Variants in PCAT7 observed in about 807,000 individuals in gnomAD.
PCAT7 encodes the protein prostate cancer associated transcript 7, also known as prostate cancer associated transcript 7 (non-protein coding).
intron 2 of PCAT7, chr9:94,559,160 A>C: frequency 6.3e-7 from 1 of 1,596,946 alleles, no homozygotes; most frequent in Non-Finnish European, 8.6e-7. Context: ...CAGGTGAGTA[A>C]ACTCTGCAAG....
chr9:94,562,999 AG>A (rs1564179558), intron 2 of PCAT7, among the ~76,000 whole-genome samples: 1 of 152,218 alleles, frequency 6.6e-6, no homozygotes, highest in Non-Finnish European at 1.5e-5. Context: ...GGCTCCCTAT[AG>A]GGACCATCAT....
At chr9:94,559,299 GCCAGATGCATCAGATGGC>G in intron 2 of PCAT7, 3 of 625,318 alleles carry the variant, frequency 4.8e-6, no homozygotes, top group Non-Finnish European at 8.2e-6. Flanking sequence ...CCTACAGCAG[GCCAGATGCATCAGATGGC>G]ACTCATCCAG....
intron 2 of PCAT7, among the ~76,000 whole-genome samples, chr9:94,559,463 C>T (rs1827061317): frequency 6.6e-6 from 1 of 152,040 alleles, no homozygotes; most frequent in Non-Finnish European, 1.5e-5. Context: ...CAACAAGAAG[C>T]AAACTGATGC....
intron 1 of PCAT7, chr9:94,558,916 A>G (rs1484117536): frequency 6.2e-7 from 1 of 1,611,584 alleles, no homozygotes. Flanking sequence ...CAAACAGAAG[A>G]GGGCATGTGG....
chr9:94,572,846 A>T (rs924181465), intron 2 of PCAT7: 3 of 152,240 alleles, frequency 2.0e-5, no homozygotes, highest in African/African-American at 7.2e-5. Context: ...CACATATTTT[A>T]AAATGTAATT....
chr9:94,562,284 TG>T (rs1827119895), intron 2 of PCAT7, among the ~76,000 whole-genome samples: 2 of 126,208 alleles, frequency 1.6e-5, no homozygotes, highest in African/African-American at 6.3e-5. Flanking sequence ...CACTCCAGCC[TG>T]GGCGACAGAG....
chr9:94,573,101 G>T lies in PCAT7; in HGVS notation n.512+52G>T, dbSNP rs966177962. Reference sequence around the variant, plus strand: ...TTATTGTGCTGGCTACAACTTTCAGGATTACATATGTTGGGTAACAGTGGC... The same window carrying T: ...TTATTGTGCTGGCTACAACTTTCAGTATTACATATGTTGGGTAACAGTGGC... On this transcript the variant is annotated intron_variant and non_coding_transcript_variant, in intron 3 of 8. Coordinates refer to ENST00000647389, the Ensembl canonical transcript of PCAT7. 3.3e-5 allele frequency: 5 copies of T among 152,136 alleles called. No homozygotes were observed. The South Asian group carries it at 8.3e-4, about 25-fold the overall frequency. The allele number at this position is 152,136 out of a possible 1,614,324, so 9.4% of individuals were successfully genotyped here. A position where few individuals can be genotyped will look rare whatever the true frequency, so the allele number is the denominator to read the frequency against.
exon 2 of PCAT7, chr9:94,558,999 C>G (rs1827051754): frequency 1.9e-6 from 3 of 1,613,912 alleles, no homozygotes; most frequent in Admixed American, 3.3e-5. Context: ...CTCTGGTGAC[C>G]CCAGAATGAG....
At chr9:94,572,097 G>A (rs1021419496) in intron 2 of PCAT7, among the ~76,000 whole-genome samples, 1 of 152,132 alleles carries the variant, frequency 6.6e-6, no homozygotes, top group African/African-American at 2.4e-5. Flanking sequence ...CCAGCAGCAG[G>A]AAGCCCTGAT....
upstream of PCAT7, chr9:94,555,051 T>C (rs1298634130): frequency 6.6e-6 from 1 of 152,246 alleles, no homozygotes; most frequent in East Asian, 1.9e-4. Flanking sequence ...AATCAGAACA[T>C]GCAGTCTAGG....
At chr9:94,558,617 A>G (rs1827044469) in intron 1 of PCAT7, 2 of 334,118 alleles carry the variant, frequency 6.0e-6, no homozygotes, top group Non-Finnish European at 1.1e-5. Flanking sequence ...TAATCTATGT[A>G]CTCTTTGCCC....
At chr9:94,568,218 C>G (rs1282054119) in intron 2 of PCAT7, 3 of 152,040 alleles carry the variant, frequency 2.0e-5, no homozygotes, top group African/African-American at 7.3e-5. Flanking sequence ...CCACTCTTAC[C>G]TGGAGAAAAG....
At chr9:94,570,616 G>T (rs1186422538) in intron 2 of PCAT7, 1 of 152,138 alleles carries the variant, frequency 6.6e-6, no homozygotes, top group African/African-American at 2.4e-5. Context: ...AATTTCTCAG[G>T]GTTTGCCAGC....
chr9:94,556,210 A>G (rs540566162), intron 1 of PCAT7, among the ~76,000 whole-genome samples: 21 of 150,342 alleles, frequency 1.4e-4, no homozygotes, highest in South Asian at 6.4e-4. Context: ...AAGACGGGGG[A>G]AAATGTTTTT....
chr9:94,559,825 G>T (rs781650), intron 2 of PCAT7, among the ~76,000 whole-genome samples: 38,592 of 151,952 alleles, frequency 0.25, 6,253 homozygotes, highest in East Asian at 0.54. Context: ...TGTACTATCT[G>T]TATTCTCAGT....
At chr9:94,569,090 T>C (rs1371932968) in intron 2 of PCAT7, 2 of 152,302 alleles carry the variant, frequency 1.3e-5, no homozygotes, top group Non-Finnish European at 2.9e-5. Flanking sequence ...CCAGCGCTGA[T>C]TTCTACTTCT....
chr9:94,573,168 A>C (rs751856775), intron 3 of PCAT7: 8 of 152,336 alleles, frequency 5.3e-5, no homozygotes, highest in Non-Finnish European at 8.8e-5. Flanking sequence ...TTAGAGTATA[A>C]GCATTCAGTC....
chr9:94,560,712 T>C (rs1209022242), intron 2 of PCAT7, among the ~76,000 whole-genome samples: 2 of 147,000 alleles, frequency 1.4e-5, no homozygotes, highest in Non-Finnish European at 1.5e-5. Context: ...TTATATGTTA[T>C]TATATATTAT....
upstream of PCAT7, among the ~76,000 whole-genome samples, chr9:94,554,703 G>A (rs1263969369): frequency 3.3e-5 from 5 of 152,200 alleles, 2 homozygotes; most frequent in Non-Finnish European, 7.3e-5. Flanking sequence ...TTCCAGCCCG[G>A]CAGGAGAAGC....
Sources: gnomAD v4.1 joint callset for allele counts (sites outside exome capture counted in the v4.1 genomes callset) on GRCh38, gnomAD v4.1.1 for gene constraint, MANE v1.5 for transcripts, NCBI Gene and HGNC (gene_info 2026-07-23, HGNC 2026-07-21) for gene names.